Variants in P4HA1 observed in about 807,000 individuals in gnomAD.
P4HA1 encodes prolyl 4-hydroxylase subunit alpha 1.
Under a neutral mutation model 72.8 loss-of-function variants are expected in P4HA1, and 24 were observed. That is an observed-to-expected ratio of 0.33 (90% confidence interval 0.24 to 0.46). The LOEUF is 0.46. Among genes scored for constraint, P4HA1 ranks in the 20% least tolerant of loss-of-function variants. P4HA1 has a pLI of 1.00. For missense variants in P4HA1, 446 were observed against 640.6 expected, an observed-to-expected ratio of 0.70 and a Z score of 3.28; for synonymous variants, 201 against 218.8, an observed-to-expected ratio of 0.92 and a Z score of 0.72.
At chr10:73,081,384 T>G (rs1212637765) in intron 1 of P4HA1, among the ~76,000 whole-genome samples, 1 of 152,166 alleles carries the variant, frequency 6.6e-6, no homozygotes, top group African/African-American at 2.4e-5. Flanking sequence ...GGTTCAAAAG[T>G]GTTTATTATA....
At chr10:73,017,689 C>T (rs570274391) in intron 10 of P4HA1, among the ~76,000 whole-genome samples, 2 of 152,132 alleles carry the variant, frequency 1.3e-5, no homozygotes, top group East Asian at 1.9e-4. Context: ...TTATTCCTGT[C>T]GAAGGGCCCT....
In P4HA1 at chr10:73,014,194, C is replaced by T. The variant is rs1306853693; in HGVS notation, c.1368+30G>A. Reference sequence around the variant, plus strand: ...AATGAATCTTGTCATCAAATCCCAACTTAATCTAAAAATTTTAGTGACGAC... The same window carrying T: ...AATGAATCTTGTCATCAAATCCCAATTTAATCTAAAAATTTTAGTGACGAC... On this transcript the variant is annotated intron_variant, in intron 12 of 14. Coordinates refer to ENST00000394890, the MANE Select transcript of P4HA1 (RefSeq NM_001017962.3). 2.1e-6 allele frequency: 3 copies of T among 1,455,392 alleles called. No individual in the cohort carries two copies. The Admixed American group carries it at 5.0e-5, about 24-fold the overall frequency. 90.2% of individuals were successfully genotyped at this position (1,455,392 alleles called of 1,614,324 possible). A position where few individuals can be genotyped will look rare whatever the true frequency, so the allele number is the denominator to read the frequency against.
At chr10:73,087,344 C>T (rs1253123435) in intron 1 of P4HA1, among the ~76,000 whole-genome samples, 2 of 150,682 alleles carry the variant, frequency 1.3e-5, no homozygotes, top group Non-Finnish European at 3.0e-5. Flanking sequence ...TCTTGTCTCA[C>T]TGCAACCTCC....
intron 5 of P4HA1, chr10:73,065,444 T>C (rs992947379): frequency 3.3e-5 from 5 of 152,176 alleles, no homozygotes; most frequent in African/African-American, 1.2e-4. Context: ...CAGATGAAAC[T>C]AATCAAGGAG....
chr10:73,057,407 A>G (rs938895971), intron 5 of P4HA1, among the ~76,000 whole-genome samples: 3 of 151,886 alleles, frequency 2.0e-5, no homozygotes, highest in African/African-American at 7.3e-5. Flanking sequence ...GGAGAATGGC[A>G]TGAACCTGGG....
intron 8 of P4HA1, among the ~76,000 whole-genome samples, 178 bp from the exon 9 acceptor site, chr10:73,045,229 G>GT (rs1450091601): frequency 5.6e-4 from 84 of 149,638 alleles, no homozygotes; most frequent in African/African-American, 1.8e-3. Context: ...AGGTTTTTGG[G>GT]GTTTTTTTTT....
At chr10:73,031,170 T>A (rs571849412) in intron 9 of P4HA1, among the ~76,000 whole-genome samples, 1 of 152,186 alleles carries the variant, frequency 6.6e-6, no homozygotes, top group Non-Finnish European at 1.5e-5. Flanking sequence ...TAAACTGGAA[T>A]ATTATTGTGT....
At chr10:73,078,907 C>T (rs978434013) in intron 1 of P4HA1, among the ~76,000 whole-genome samples, 4 of 151,838 alleles carry the variant, frequency 2.6e-5, no homozygotes, top group African/African-American at 4.8e-5. Context: ...CCACCGCGCC[C>T]GGCTGGTAAT....
intron 10 of P4HA1, among the ~76,000 whole-genome samples, chr10:73,023,802 T>A (rs1422267226): frequency 1.1e-4 from 12 of 108,146 alleles, no homozygotes; most frequent in African/African-American, 7.8e-5. Context: ...ACGAAGCAAA[T>A]GGAAAGAAAA....
intron 9 of P4HA1, among the ~76,000 whole-genome samples, chr10:73,032,843 A>G (rs965595963): frequency 5.9e-5 from 9 of 152,218 alleles, no homozygotes; most frequent in African/African-American, 2.2e-4. Context: ...TGGAGAAGAA[A>G]GAAGTTTTTA....
chr10:73,016,771 T>C (rs369192397), intron 11 of P4HA1, 75 bp downstream of exon 11: 2 of 1,140,938 alleles, frequency 1.8e-6, no homozygotes. Context: ...AGTGAGACTG[T>C]TTTTTTGTTT....
chr10:73,014,803 A>T (rs745645174), intron 11 of P4HA1, among the ~76,000 whole-genome samples: 1 of 151,778 alleles, frequency 6.6e-6, no homozygotes, highest in Non-Finnish European at 1.5e-5. Flanking sequence ...GACCTACTGA[A>T]ATATTTCCTA....
chr10:73,053,335 G>A lies in P4HA1; in HGVS notation c.703+16C>T. ...TCAATATAACTATAACCTTAAATTA[G>A]GCCCAGATAACATACCTAGTTCAAG... is the stretch of plus-strand genomic sequence containing the variant. On this transcript the variant is annotated intron_variant, in intron 6 of 14. Transcript: ENST00000394890. The A allele has an allele frequency of 1.2e-6, 2 of 1,612,284 alleles. No individual in the cohort carries two copies. Among genetic ancestry groups the A allele is most frequent in the Non-Finnish European group, 1.7e-6 (2 of 1,178,966 alleles).
chr10:73,027,360 A>C (rs1252923674), intron 10 of P4HA1, among the ~76,000 whole-genome samples: 4 of 150,992 alleles, frequency 2.6e-5, no homozygotes, highest in Non-Finnish European at 4.4e-5. Context: ...AGAAAACCAA[A>C]CACCACATGT....
At chr10:73,014,393 C>T in intron 11 of P4HA1, 104 bp from the exon 12 acceptor site, 1 of 813,234 alleles carries the variant, frequency 1.2e-6, no homozygotes, top group Admixed American at 2.1e-5. Context: ...AATATGCCAA[C>T]AACAACCGCA....
chr10:73,048,740 A>G (rs1258836816), intron 7 of P4HA1, among the ~76,000 whole-genome samples: 1 of 152,208 alleles, frequency 6.6e-6, no homozygotes, highest in Admixed American at 6.5e-5. Flanking sequence ...GATATTACAA[A>G]ACTTGTGAAT....
chr10:73,015,723 A>G (rs1277716080), intron 11 of P4HA1, among the ~76,000 whole-genome samples: 1 of 152,186 alleles, frequency 6.6e-6, no homozygotes, highest in African/African-American at 2.4e-5. Flanking sequence ...TCCTGGAGGC[A>G]CATACCTCCA....
intron 10 of P4HA1, among the ~76,000 whole-genome samples, chr10:73,028,307 A>AACACACACACACACACAC (rs10561551): frequency 4.9e-5 from 7 of 143,760 alleles, no homozygotes; most frequent in African/African-American, 1.8e-4. Context: ...GTCACTGTAA[A>AACACACACACACACACAC]ACACACACAC....
chr10:73,069,896 C>T (rs1476844404), intron 4 of P4HA1, among the ~76,000 whole-genome samples: 2 of 151,726 alleles, frequency 1.3e-5, no homozygotes, highest in Non-Finnish European at 2.9e-5. Flanking sequence ...CTGCAACCTC[C>T]ACCTCCCAGG....
Sources: gnomAD v4.1 joint callset for allele counts (sites outside exome capture counted in the v4.1 genomes callset) on GRCh38, gnomAD v4.1.1 for gene constraint, MANE v1.5 for transcripts, NCBI Gene and HGNC (gene_info 2026-07-23, HGNC 2026-07-21) for gene names.